The following SLCO5A1 variants were observed in gnomAD, a reference collection of about 807,000 sequenced individuals.
SLCO5A1 encodes the protein solute carrier organic anion transporter family member 5A1.
Under a neutral mutation model 65.1 loss-of-function variants are expected in SLCO5A1, and 39 were observed. The observed-to-expected ratio is 0.60, with a 90% CI of 0.46 to 0.78. SLCO5A1 has a LOEUF of 0.78. Among genes scored for constraint, SLCO5A1 ranks in the 30% least tolerant of loss-of-function variants. The pLI is 0.00. For synonymous variants in SLCO5A1, 438 were observed against 415.7 expected (o/e 1.05, Z -0.65); for missense variants, 1,029 against 1,069.4 (o/e 0.96, Z 0.53).
Position 69,827,208 on chromosome 8 carries a change from T to C in SLCO5A1, c.907+4559A>G, listed in dbSNP as rs545839065. Among the ~76,000 whole-genome samples the C allele has an allele frequency of 9.3e-5, 14 of 150,040 alleles. No individual in the cohort carries two copies. The South Asian group carries it at 2.8e-3, about 30-fold the overall frequency. On this transcript the variant is annotated intron_variant, in intron 2 of 9. Transcript: ENST00000260126. The stretch of plus-strand genomic sequence containing the variant: ...ATATACCTAATGCTAAATGACGAGT[T>C]AATGGGTGCAGCACACCAGCATGGC...
At chr8:69,719,397 A>C (rs573475530) in intron 5 of SLCO5A1, among the ~76,000 whole-genome samples, 1 of 152,230 alleles carries the variant, frequency 6.6e-6, no homozygotes, top group African/African-American at 2.4e-5. Flanking sequence ...CCTACTGTCT[A>C]TGAGAACTTA....
chr8:69,784,739 G>A (rs533967457), intron 2 of SLCO5A1, among the ~76,000 whole-genome samples: 68 of 150,538 alleles, frequency 4.5e-4, no homozygotes, highest in African/African-American at 1.6e-3. Context: ...AGTGAGTCAA[G>A]AGTGTGCCAC....
rs1209168385 is a variant in SLCO5A1, at chr8:69,689,340, T to C, written c.1623-6997A>G. 3.0e-3 allele frequency among the ~76,000 whole-genome samples: 291 copies of C among 98,522 alleles called. 6 individuals carry two copies. Among genetic ancestry groups the C allele is most frequent in the African/African-American group, 0.011 (208 of 18,382 alleles). 64.6% of individuals were successfully genotyped at this position (98,522 alleles called of 152,430 possible). On this transcript the variant is annotated intron_variant, in intron 6 of 9. Transcript: ENST00000260126. The stretch of plus-strand genomic sequence containing the variant: ...TTTGCTGTGCAGAAGCTCTTTAGTT[T>C]AATTAGATCCCATTTGTCAATTTTG...
intron 5 of SLCO5A1, among the ~76,000 whole-genome samples, chr8:69,722,267 A>C (rs907996674): frequency 5.3e-5 from 8 of 152,186 alleles, no homozygotes; most frequent in Non-Finnish European, 1.2e-4. Flanking sequence ...CAACAACCTA[A>C]ACTCATGGAG....
At chr8:69,727,124 T>A (rs1563686110) in intron 5 of SLCO5A1, among the ~76,000 whole-genome samples, 1 of 152,122 alleles carries the variant, frequency 6.6e-6, no homozygotes, top group Non-Finnish European at 1.5e-5. Context: ...GCCTTGAAGG[T>A]GGGACCCCTC....
chr8:69,708,368 A>G (rs922848960), intron 5 of SLCO5A1, among the ~76,000 whole-genome samples: 1 of 152,184 alleles, frequency 6.6e-6, no homozygotes, highest in African/African-American at 2.4e-5. Context: ...ATAAGTAGAT[A>G]CAGTATATAG....
rs1357021540 is a variant in SLCO5A1, at chr8:69,679,389, T to G, written c.2013A>C (p.Ile671=). The G allele has an allele frequency of 6.2e-7, 1 of 1,614,106 alleles. No individual in the cohort carries two copies. Among genetic ancestry groups the G allele is most frequent in the Non-Finnish European group, 8.5e-7 (1 of 1,180,046 alleles). Residue 671 remains isoleucine, a synonymous_variant, in exon 8 of 10, where the codon ATA becomes ATC. Coordinates refer to ENST00000260126, the MANE Select transcript of SLCO5A1 (RefSeq NM_030958.3). The part of the protein sequence containing the change: ...ITACAQPSAI[I]VTLRSVEDEE... ...AATGCTGTTCTCACCTGAGTGTTAC[T>G]ATGATAGCTGATGGTTGGGCACATG...
chr8:69,796,419 G>C (rs989705815), intron 2 of SLCO5A1, among the ~76,000 whole-genome samples: 5 of 151,922 alleles, frequency 3.3e-5, no homozygotes, highest in African/African-American at 1.2e-4. Flanking sequence ...TTCAAGACCA[G>C]CCTGAGCAAC....
chr8:69,685,250 G>T (rs899427758), intron 6 of SLCO5A1, among the ~76,000 whole-genome samples: 23 of 152,150 alleles, frequency 1.5e-4, no homozygotes, highest in African/African-American at 5.3e-4. Flanking sequence ...ATCATGTCCT[G>T]TCTGATTGTC....
At chr8:69,769,773 T>C (rs1472595649) in intron 2 of SLCO5A1, among the ~76,000 whole-genome samples, 1 of 152,152 alleles carries the variant, frequency 6.6e-6, no homozygotes, top group Non-Finnish European at 1.5e-5. Flanking sequence ...TTTCTTTCCT[T>C]GCAGAAAGGC....
intron 6 of SLCO5A1, among the ~76,000 whole-genome samples, chr8:69,688,823 C>T (rs1814113472): frequency 6.6e-6 from 1 of 152,166 alleles, no homozygotes; most frequent in Non-Finnish European, 1.5e-5. Flanking sequence ...TTTATAACAG[C>T]ATGATTTATA....
intron 2 of SLCO5A1, chr8:69,794,249 T>G (rs988923029): frequency 6.3e-6 from 3 of 473,626 alleles, no homozygotes; most frequent in Non-Finnish European, 1.3e-5. Context: ...GTCAAAAGCT[T>G]CCACCAGAAT....
intron 2 of SLCO5A1, among the ~76,000 whole-genome samples, chr8:69,789,048 T>C (rs746149516): frequency 6.6e-6 from 1 of 152,200 alleles, no homozygotes; most frequent in Non-Finnish European, 1.5e-5. Context: ...TATGTATTTA[T>C]TTCCACACAT....
chr8:69,771,815 G>A lies in SLCO5A1; in HGVS notation c.908-9940C>T, dbSNP rs140749219. Among the ~76,000 whole-genome samples, 1,067 of 152,318 alleles carry A rather than the reference G, an allele frequency of 7.0e-3. 12 individuals carry two copies. Among genetic ancestry groups the A allele is most frequent in the African/African-American group, 0.025 (1,021 of 41,572 alleles). The stretch of plus-strand genomic sequence containing the variant: ...ACTTGGCACATGGCATGTTTGATTA[G>A]CTGGAACCCATGCTTGCTCTCTCAC... On this transcript the variant is annotated intron_variant, in intron 2 of 9. Transcript: ENST00000260126.
intron 6 of SLCO5A1, among the ~76,000 whole-genome samples, chr8:69,697,553 GT>G (rs1243243244): frequency 6.6e-6 from 1 of 152,138 alleles, no homozygotes; most frequent in Non-Finnish European, 1.5e-5. Flanking sequence ...GTAATCAAGA[GT>G]GGGGGGACAG....
intron 6 of SLCO5A1, 149 bp downstream of exon 6, chr8:69,704,882 T>C: frequency 1.4e-6 from 1 of 722,060 alleles, no homozygotes; most frequent in Non-Finnish European, 2.3e-6. Context: ...CAGGAGTGCA[T>C]GCTCCACTTG....
intron 6 of SLCO5A1, among the ~76,000 whole-genome samples, chr8:69,687,592 T>C (rs13277946): frequency 0.04 from 6,080 of 152,216 alleles, 235 homozygotes; most frequent in African/African-American, 0.098. Context: ...AAGTAATACA[T>C]ACTCATTGTA....
At chr8:69,706,416 G>A (rs887905313) in intron 5 of SLCO5A1, among the ~76,000 whole-genome samples, 2 of 152,206 alleles carry the variant, frequency 1.3e-5, no homozygotes, top group African/African-American at 4.8e-5. Flanking sequence ...GCTGTGGTCT[G>A]AATGTTTGTG....
At chr8:69,728,106 A>G (rs1405766234) in intron 5 of SLCO5A1, among the ~76,000 whole-genome samples, 1 of 152,228 alleles carries the variant, frequency 6.6e-6, no homozygotes, top group Non-Finnish European at 1.5e-5. Context: ...CTATCCAGAA[A>G]TGAGCAAGGT....
Sources: allele counts gnomAD v4.1 joint callset (sites outside exome capture counted in the v4.1 genomes callset), GRCh38; gene constraint gnomAD v4.1.1; transcripts MANE v1.5; gene names NCBI Gene and HGNC (gene_info 2026-07-23, HGNC 2026-07-21).